MRPS21: variants seen among roughly 807,000 people sequenced by gnomAD.
The protein encoded by MRPS21 is small ribosomal subunit protein bS21m.
A neutral mutation model predicts 9.9 loss-of-function variants in MRPS21; 8 were observed. The observed-to-expected ratio is 0.81, with a 90% CI of 0.47 to 1.45. MRPS21 has a LOEUF of 1.45. Ranked by LOEUF, MRPS21 falls within the 40% of genes most tolerant of loss-of-function variation. MRPS21 has a pLI of 0.00. For missense variants in MRPS21, 101 were observed against 118.9 expected (o/e 0.85, Z 0.70); for synonymous variants, 40 against 40.3 (o/e 0.99, Z 0.03).
intron 2 of MRPS21, among the ~76,000 whole-genome samples, chr1:150,301,969 A>G (rs1654152491): frequency 2.0e-5 from 3 of 152,126 alleles, no homozygotes; most frequent in Admixed American, 1.3e-4. Context: ...GAGTGATCCA[A>G]TCTTCTGTTT....
chr1:150,297,938 C>CT (rs1257455790), intron 2 of MRPS21, among the ~76,000 whole-genome samples: 145,936 of 148,380 alleles, frequency 0.98, 71,779 homozygotes, highest in East Asian at 1. Flanking sequence ...ACAAAATGAA[C>CT]TTTTTTTTTT....
chr1:150,296,529 G>A (rs1337876136), intron 2 of MRPS21, among the ~76,000 whole-genome samples: 1 of 152,156 alleles, frequency 6.6e-6, no homozygotes, highest in Non-Finnish European at 1.5e-5. Flanking sequence ...TGTTGTGCCT[G>A]TGAATAACCA....
At chr1:150,298,971 T>C (rs587663670) in intron 2 of MRPS21, among the ~76,000 whole-genome samples, 3 of 152,208 alleles carry the variant, frequency 2.0e-5, no homozygotes, top group Non-Finnish European at 4.4e-5. Context: ...TTCTCAGCAA[T>C]TTGGGAGGCT....
intron 2 of MRPS21, among the ~76,000 whole-genome samples, chr1:150,306,542 C>T (rs1381845527): frequency 5.3e-5 from 8 of 152,208 alleles, no homozygotes; most frequent in African/African-American, 1.9e-4. Context: ...GTTGCCCAGG[C>T]TGGAGTGCAG....
intron 2 of MRPS21, among the ~76,000 whole-genome samples, chr1:150,306,047 G>C (rs1238976449): frequency 6.6e-6 from 1 of 152,186 alleles, no homozygotes; most frequent in Non-Finnish European, 1.5e-5. Flanking sequence ...CAGTTCTGAT[G>C]TGCAGATGAT....
chr1:150,303,684 C>T (rs186996558), intron 2 of MRPS21, among the ~76,000 whole-genome samples: 45 of 152,292 alleles, frequency 3.0e-4, no homozygotes, highest in Middle Eastern at 6.8e-3. Context: ...AAAAAGAGGA[C>T]ATTATTTGCC....
At chr1:150,295,073 G>A (rs914812611) in intron 2 of MRPS21, among the ~76,000 whole-genome samples, 15 of 144,112 alleles carry the variant, frequency 1.0e-4, no homozygotes, top group Non-Finnish European at 1.5e-5. Context: ...TCGGCTCACT[G>A]CAAGCTCCGC....
chr1:150,308,334 A>G lies in MRPS21; in HGVS notation c.*106A>G, dbSNP rs1654427633. The G allele has an allele frequency of 1.3e-5, 15 of 1,189,336 alleles. No homozygotes were observed. The highest frequency in any genetic ancestry group is 1.4e-5 in the Non-Finnish European group (12 of 868,122). 73.7% of individuals were successfully genotyped at this position (1,189,336 alleles called of 1,614,324 possible). ...ATTACCATTCTCTGCAATAAACTCA[A>G]ATCACATGTCTGCAAGAAGGCCTCC... On this transcript the variant is annotated 3_prime_UTR_variant, in exon 3 of 3. Coordinates refer to ENST00000614145, the MANE Select transcript of MRPS21 (RefSeq NM_031901.6).
chr1:150,307,348 C>CTTTTTTTTTTTTTTTTTTTTTTTT lies in MRPS21; in HGVS notation c.84-678_84-677insTTTTTTTTTTTTTTTTTTTTTTTT, dbSNP rs1572154026. Among the ~76,000 whole-genome samples the CTTTTTTTTTTTTTTTTTTTTTTTT allele has an allele frequency of 8.0e-5, 7 of 87,552 alleles. 3 individuals carry two copies. Among genetic ancestry groups the CTTTTTTTTTTTTTTTTTTTTTTTT allele is most frequent in the African/African-American group, 8.9e-5 (2 of 22,528 alleles). The allele number at this position is 87,552 out of a possible 152,430, so 57.4% of individuals were successfully genotyped here. ...CAGGCATGAGTCACTGTGCCCAGTC[C>CTTTTTTTTTTTTTTTTTTTTTTTT]TTTTTTTTTTTTTTTTTTTTTTCCT... On this transcript the variant is annotated intron_variant, in intron 2 of 2. Coordinates refer to ENST00000614145, the MANE Select transcript of MRPS21 (RefSeq NM_031901.6).
chr1:150,303,877 T>C, intron 2 of MRPS21: 1 of 456,034 alleles, frequency 2.2e-6, no homozygotes. Context: ...TCTAGAGGAC[T>C]CATTTTTGGC....
At chr1:150,294,537 A>C in intron 2 of MRPS21, 88 bp downstream of exon 2, 99 of 1,113,716 alleles carry the variant, frequency 8.9e-5, no homozygotes, top group Non-Finnish European at 1.2e-4. Context: ...GATTGTTCTC[A>C]AAACAGTGCC....
At chr1:150,295,091 G>C (rs1553856301) in intron 2 of MRPS21, among the ~76,000 whole-genome samples, 2 of 151,076 alleles carry the variant, frequency 1.3e-5, no homozygotes, top group African/African-American at 2.4e-5. Context: ...CGCTTCCTGG[G>C]TTCACGCCAT....
chr1:150,305,121 C>A, intron 2 of MRPS21: 1 of 241,204 alleles, frequency 4.1e-6, no homozygotes, highest in Non-Finnish European at 8.5e-6. Context: ...TCTCAACCTC[C>A]TGGGATAAAG....
Position 150,302,004 on chromosome 1 carries a change from T to TCTGA in MRPS21, c.84-6039_84-6036dup, listed in dbSNP as rs1370109879. On this transcript the variant is annotated intron_variant, in intron 2 of 2. Transcript: ENST00000614145. ...TTCCTGCTGCCTGTTAAACACATTT[T>TCTGA]CTGACTGATGCACTTTTCTGTTTCT... Among the ~76,000 whole-genome samples, 4 of 152,368 alleles carry TCTGA rather than the reference T, an allele frequency of 2.6e-5. No individual in the cohort carries two copies. In the South Asian group the frequency reaches 8.3e-4, roughly 32 times the overall value.
chr1:150,308,097 T>C lies in MRPS21; in HGVS notation c.133T>C (p.Tyr45His), dbSNP rs1654411431. The change falls in exon 3 of 3, where the codon TAT becomes CAT. Residue 45 changes from tyrosine to histidine, a missense_variant. By Grantham distance (83) the Tyr-to-His change is moderately conservative. Transcript: ENST00000614145. ...TGAGGACATTAAGCATCGGCGGTATTATGAGAAGCCATGCTGCCGGCGACA... is the reference window on the plus strand; with the variant it reads ...TGAGGACATTAAGCATCGGCGGTATCATGAGAAGCCATGCTGCCGGCGACA... ...LIEDIKHRRY[Y>H]EKPCCRRQRE... 6 of 1,605,122 alleles carry C rather than the reference T, an allele frequency of 3.7e-6. No homozygotes were observed. Among genetic ancestry groups the C allele is most frequent in the Non-Finnish European group, 5.1e-6 (6 of 1,172,358 alleles).
chr1:150,307,040 T>A (rs1654358510), intron 2 of MRPS21, among the ~76,000 whole-genome samples: 1 of 100,028 alleles, frequency 1.0e-5, no homozygotes, highest in Non-Finnish European at 1.9e-5. Context: ...ATTGCTTTTT[T>A]ATTTCCCCAA....
intron 2 of MRPS21, among the ~76,000 whole-genome samples, chr1:150,298,861 A>C (rs1378692396): frequency 6.6e-6 from 1 of 151,870 alleles, no homozygotes; most frequent in Non-Finnish European, 1.5e-5. Flanking sequence ...CAGCCTCCCA[A>C]AGTGCTGGGA....
At chr1:150,296,422 G>T (rs1553856579) in intron 2 of MRPS21, among the ~76,000 whole-genome samples, 1 of 152,212 alleles carries the variant, frequency 6.6e-6, no homozygotes, top group Non-Finnish European at 1.5e-5. Context: ...TCAAAGAATT[G>T]TAAGGAAGGG....
chr1:150,301,846 G>A (rs1442977723), intron 2 of MRPS21, among the ~76,000 whole-genome samples: 1 of 151,874 alleles, frequency 6.6e-6, no homozygotes, highest in East Asian at 1.9e-4. Context: ...TGATTGGCCC[G>A]CCCGGCCTCC....
Sources: allele counts gnomAD v4.1 joint callset (sites outside exome capture counted in the v4.1 genomes callset), GRCh38; gene constraint gnomAD v4.1.1; transcripts MANE v1.5; gene names NCBI Gene and HGNC (gene_info 2026-07-23, HGNC 2026-07-21).